PLCB1: variants seen among roughly 807,000 people sequenced by gnomAD.
PLCB1 encodes 1-phosphatidylinositol 4,5-bisphosphate phosphodiesterase beta-1.
A neutral mutation model predicts 161.8 loss-of-function variants in PLCB1; 46 were observed. The ratio of observed to expected loss-of-function variants is 0.28; its 90% confidence interval spans 0.22 to 0.36. The LOEUF (loss-of-function observed/expected upper bound fraction) is 0.36, where lower values mean the gene tolerates loss of function less well. Ranked by LOEUF, PLCB1 falls within the 10% of genes least tolerant of loss-of-function variation. The pLI is 1.00. For synonymous variants in PLCB1, 517 were observed against 503.7 expected (o/e 1.03, Z -0.35); for missense variants, 1,016 against 1,472.5 (o/e 0.69, Z 5.07).
At chr20:8,663,218 C>G (rs966010899) in intron 9 of PLCB1, among the ~76,000 whole-genome samples, 1 of 151,772 alleles carries the variant, frequency 6.6e-6, no homozygotes, top group Non-Finnish European at 1.5e-5. Context: ...GATATACACA[C>G]AACATATAGT....
intron 3 of PLCB1, among the ~76,000 whole-genome samples, chr20:8,447,003 G>C (rs926920214): frequency 3.9e-4 from 60 of 152,174 alleles, no homozygotes; most frequent in African/African-American, 1.3e-3. Context: ...ACGTAGAATA[G>C]AAATTCTGAA....
At chr20:8,206,804 A>G (rs1395344428) in intron 2 of PLCB1, among the ~76,000 whole-genome samples, 1 of 152,102 alleles carries the variant, frequency 6.6e-6, no homozygotes, top group African/African-American at 2.4e-5. Flanking sequence ...GATTGTCATT[A>G]TAGTATTTTC....
intron 4 of PLCB1, chr20:8,628,761 C>T (rs993554950): frequency 4.6e-5 from 9 of 195,580 alleles, no homozygotes; most frequent in African/African-American, 2.1e-4. Context: ...ATGGTGAATC[C>T]CTGTCTCTAC....
intron 9 of PLCB1, among the ~76,000 whole-genome samples, chr20:8,681,086 G>GTATATATA (rs202198416): frequency 0.025 from 1,834 of 73,610 alleles, 50 homozygotes; most frequent in East Asian, 0.11. Context: ...ATGTGTGTGT[G>GTATATATA]TATATATATA....
At chr20:8,220,761 C>A (rs1255989039) in intron 2 of PLCB1, among the ~76,000 whole-genome samples, 2 of 152,108 alleles carry the variant, frequency 1.3e-5, no homozygotes, top group Admixed American at 1.3e-4. Flanking sequence ...TCAAAGTCAC[C>A]CAGTTTGTGA....
At chr20:8,684,662 C>T (rs112330165) in intron 9 of PLCB1, among the ~76,000 whole-genome samples, 13 of 152,172 alleles carry the variant, frequency 8.5e-5, no homozygotes, top group African/African-American at 3.1e-4. Context: ...AAAGTTAATA[C>T]CAGTCTTACA....
intron 2 of PLCB1, among the ~76,000 whole-genome samples, chr20:8,368,785 G>A (rs13037708): frequency 2.0e-5 from 3 of 152,052 alleles, no homozygotes; most frequent in African/African-American, 7.2e-5. Flanking sequence ...CATATCCTAA[G>A]TGGGTTGTAG....
At chr20:8,224,760 C>T (rs928620153) in intron 2 of PLCB1, among the ~76,000 whole-genome samples, 6 of 152,208 alleles carry the variant, frequency 3.9e-5, no homozygotes, top group Middle Eastern at 6.8e-3. Context: ...CCCCGCCCAC[C>T]ACGCCACCCC....
intron 3 of PLCB1, among the ~76,000 whole-genome samples, chr20:8,613,437 C>A (rs1987957407): frequency 6.6e-6 from 1 of 152,134 alleles, no homozygotes; most frequent in South Asian, 2.1e-4. Context: ...CTGCAAGTTG[C>A]TTTTGCTGTA....
intron 2 of PLCB1, among the ~76,000 whole-genome samples, chr20:8,332,201 A>G (rs1985391002): frequency 6.6e-6 from 1 of 152,260 alleles, no homozygotes; most frequent in South Asian, 2.1e-4. Flanking sequence ...TGTCAGCGGG[A>G]CTTGCACTTT....
intron 2 of PLCB1, among the ~76,000 whole-genome samples, chr20:8,284,941 G>A (rs780634466): frequency 1.3e-5 from 2 of 151,522 alleles, no homozygotes; most frequent in Non-Finnish European, 2.9e-5. Context: ...GTTTGTTCCT[G>A]TACCAGTGGT....
intron 1 of PLCB1, among the ~76,000 whole-genome samples, chr20:8,148,883 C>G (rs1199109645): frequency 6.6e-6 from 1 of 152,056 alleles, no homozygotes; most frequent in Non-Finnish European, 1.5e-5. Context: ...TTCATGGATA[C>G]AGAGAGTAAG....
At chr20:8,415,587 G>A (rs1399600125) in intron 3 of PLCB1, among the ~76,000 whole-genome samples, 1 of 152,124 alleles carries the variant, frequency 6.6e-6, no homozygotes, top group Admixed American at 6.5e-5. Flanking sequence ...TTGGATGAGT[G>A]GGCCACTGAT....
chr20:8,334,546 C>T (rs1985497745), intron 2 of PLCB1, among the ~76,000 whole-genome samples: 1 of 152,194 alleles, frequency 6.6e-6, no homozygotes, highest in Non-Finnish European at 1.5e-5. Flanking sequence ...CCATAATGTA[C>T]TGATCCATAT....
chr20:8,134,890 A>G (rs569223564), intron 1 of PLCB1, among the ~76,000 whole-genome samples: 69 of 151,640 alleles, frequency 4.6e-4, no homozygotes, highest in African/African-American at 1.6e-3. Context: ...AAAAACCTAG[A>G]CTGCACTCAG....
Position 8,502,678 on chromosome 20 carries a change from A to G in PLCB1, c.247-125616A>G, listed in dbSNP as rs116063455. ...ATTTTTGGTTCTTGTTAGTTTTCTA[A>G]CACTAGGTTCAAACTCTTGAAGAAA... On this transcript the variant is annotated intron_variant, in intron 3 of 31. Coordinates refer to ENST00000338037, the MANE Select transcript of PLCB1 (RefSeq NM_015192.4). Among the ~76,000 whole-genome samples the G allele has an allele frequency of 6.8e-3, 1,040 of 152,262 alleles. 10 individuals are homozygous for G. Among genetic ancestry groups the G allele is most frequent in the African/African-American group, 0.022 (919 of 41,534 alleles).
chr20:8,434,689 T>C (rs1408206750), intron 3 of PLCB1, among the ~76,000 whole-genome samples: 1 of 152,234 alleles, frequency 6.6e-6, no homozygotes, highest in Non-Finnish European at 1.5e-5. Context: ...AGAGAGGTTA[T>C]GCAATTTGCT....
At chr20:8,493,313 T>A (rs993900728) in intron 3 of PLCB1, among the ~76,000 whole-genome samples, 2 of 152,182 alleles carry the variant, frequency 1.3e-5, no homozygotes, top group African/African-American at 4.8e-5. Context: ...TTAAAAAAAA[T>A]ACTCCAAAAA....
rs114641066 is a variant in PLCB1, at chr20:8,282,173, T to C, written c.178-89209T>C. Among the ~76,000 whole-genome samples, 753 of 152,304 alleles carry C rather than the reference T, an allele frequency of 4.9e-3. 6 individuals are homozygous for C. The highest frequency in any genetic ancestry group is 0.017 in the African/African-American group (705 of 41,580). On this transcript the variant is annotated intron_variant, in intron 2 of 31. Transcript: ENST00000338037. ...ATCCAACAGCATAAGTCATACCTTC[T>C]GGGAAGATGAGGTGTATGTCAAGCA...
Sources: gnomAD v4.1 joint callset for allele counts (sites outside exome capture counted in the v4.1 genomes callset) on GRCh38, gnomAD v4.1.1 for gene constraint, MANE v1.5 for transcripts, NCBI Gene and HGNC (gene_info 2026-07-23, HGNC 2026-07-21) for gene names.